ERLEC1: variants seen among roughly 807,000 people sequenced by gnomAD.
ERLEC1 encodes the protein ER lectin.
ERLEC1 carries 47 observed loss-of-function variants against 68.0 expected under a neutral mutation model. The ratio of observed to expected loss-of-function variants is 0.69; its 90% CI spans 0.55 to 0.88. ERLEC1 has a LOEUF of 0.88. ERLEC1 is among the 40% of genes least tolerant of loss of function. ERLEC1 has a pLI of 0.00. For missense variants in ERLEC1, 567 were observed against 583.8 expected (o/e 0.97, Z 0.30); for synonymous variants, 225 against 203.2 (o/e 1.11, Z -0.91).
intron 1 of ERLEC1, among the ~76,000 whole-genome samples, chr2:53,794,004 G>A (rs984584572): frequency 3.3e-5 from 5 of 152,200 alleles, no homozygotes; most frequent in African/African-American, 7.2e-5. Context: ...ACTCAAAGAC[G>A]AGAACAATAA....
chr2:53,814,860 G>A lies in ERLEC1; in HGVS notation c.1305G>A (p.Lys435=), dbSNP rs767697581. 1.2e-5 allele frequency: 19 copies of A among 1,603,752 alleles called. No individual in the cohort carries two copies. The highest frequency in any genetic ancestry group is 2.7e-5 in the African/African-American group (2 of 74,540). ...TACCTTAAAGTGCTCTCTGTTTTAG[G>A]TGCAAAGAATCAGATTCACCTCATG... ...DKPRQVTVKL[K]CKESDSPHAV... is the part of the protein sequence containing the mutation. The change falls in exon 13 of 14, where the codon AAG becomes AAA. Residue 435 remains lysine, a splice_region_variant and synonymous_variant. Transcript: ENST00000185150.
At chr2:53,801,880 A>C (rs755281511) in intron 8 of ERLEC1, 38 bp downstream of exon 8, 1 of 1,562,412 alleles carries the variant, frequency 6.4e-7, no homozygotes, top group South Asian at 1.2e-5. Flanking sequence ...TTGGTGCTTC[A>C]TTTTTAAAAT....
At position 53,787,177 on chromosome 2, in the gene ERLEC1, T is replaced by C; in HGVS notation, c.-34T>C. On this transcript the variant is annotated 5_prime_UTR_variant, in exon 1 of 14. Coordinates refer to ENST00000185150, the MANE Select transcript of ERLEC1 (RefSeq NM_015701.5). ...TCCTCTCCTCCTGGAGCAGAGGAGG[T>C]TGTGGCGGTGGCTGGAGAAAGCGGC... 7.4e-7 allele frequency: 1 copy of C among 1,346,654 alleles called. No homozygotes were observed. Among genetic ancestry groups the C allele is most frequent in the Non-Finnish European group, 9.8e-7 (1 of 1,018,332 alleles). 83.4% of individuals were successfully genotyped at this position (1,346,654 alleles called of 1,614,324 possible).
At position 53,799,105 on chromosome 2, in the gene ERLEC1, T is replaced by C. The variant is rs200511241; in HGVS notation, c.525+24T>C. 2.2e-4 allele frequency: 360 copies of C among 1,605,864 alleles called. 6 individuals are homozygous for C. The South Asian group carries it at 2.4e-3, about 10-fold the overall frequency. On this transcript the variant is annotated intron_variant, in intron 6 of 13. Coordinates refer to ENST00000185150, the MANE Select transcript of ERLEC1 (RefSeq NM_015701.5). The stretch of plus-strand genomic sequence containing the variant: ...AGGCAAGTGACAGATGTTGATTTTT[T>C]TCCTCTTAACACTTATTGTTAGTGA...
intron 10 of ERLEC1, among the ~76,000 whole-genome samples, chr2:53,811,085 G>A (rs1676569358): frequency 6.6e-6 from 1 of 152,088 alleles, no homozygotes; most frequent in South Asian, 2.1e-4. Flanking sequence ...TTTATTTATA[G>A]GGAAGGTATC....
chr2:53,812,158 G>T (rs905427228), intron 10 of ERLEC1, among the ~76,000 whole-genome samples: 2 of 152,002 alleles, frequency 1.3e-5, no homozygotes, highest in Admixed American at 1.3e-4. Context: ...AGGTGATTTC[G>T]CCCACCTCAG....
chr2:53,796,237 G>A (rs1675691195), intron 3 of ERLEC1, among the ~76,000 whole-genome samples: 1 of 140,268 alleles, frequency 7.1e-6, no homozygotes, highest in Admixed American at 7.3e-5. Flanking sequence ...TATAGTACCT[G>A]ATGGGTTGGT....
chr2:53,805,243 G>T (rs188812517), intron 8 of ERLEC1, among the ~76,000 whole-genome samples: 4 of 151,866 alleles, frequency 2.6e-5, no homozygotes, highest in Admixed American at 6.6e-5. Context: ...AGCTGGTCTC[G>T]AACTCCTGAC....
chr2:53,797,984 C>G (rs895148305), intron 5 of ERLEC1, among the ~76,000 whole-genome samples, 189 bp downstream of exon 5: 3 of 152,032 alleles, frequency 2.0e-5, no homozygotes, highest in African/African-American at 7.2e-5. Context: ...ATCACAAGGT[C>G]GGGAGATTGA....
chr2:53,814,489 T>G lies in ERLEC1; in HGVS notation c.1227-54T>G, dbSNP rs953177553. ...ATCTTCTCACCCTACCCATTACAAT[T>G]ATTCTATTAGTGAGATTTTAGTTTA... On this transcript the variant is annotated intron_variant, in intron 11 of 13. Transcript: ENST00000185150. 6 of 1,310,332 alleles carry G rather than the reference T, an allele frequency of 4.6e-6. No homozygotes were observed. The African/African-American group carries it at 5.8e-5, about 13-fold the overall frequency. The allele number at this position is 1,310,332 out of a possible 1,614,324, so 81.2% of individuals were successfully genotyped here. A position where few individuals can be genotyped will look rare whatever the true frequency, so the allele number is the denominator to read the frequency against.
At position 53,808,265 on chromosome 2, in the gene ERLEC1, A is replaced by G. The variant is rs780798460; in HGVS notation, c.880-34A>G. 2.5e-6 allele frequency: 4 copies of G among 1,575,490 alleles called. No homozygotes were observed. In the Admixed American group the frequency reaches 6.1e-5, roughly 24 times the overall value. ...ACTGAAAAAAGAAATTAAGTTTGGC[A>G]TGGAAACCCTTAAACGTGTGTGTTT... On this transcript the variant is annotated intron_variant, in intron 8 of 13. Coordinates refer to ENST00000185150, the MANE Select transcript of ERLEC1 (RefSeq NM_015701.5).
intron 1 of ERLEC1, among the ~76,000 whole-genome samples, chr2:53,792,559 TA>T (rs778077854): frequency 1.3e-5 from 2 of 152,216 alleles, no homozygotes; most frequent in Non-Finnish European, 2.9e-5. Flanking sequence ...TTTTGAGGAT[TA>T]ATGAGTTAAT....
intron 13 of ERLEC1, 58 bp downstream of exon 13, chr2:53,814,993 T>TA: frequency 4.1e-6 from 4 of 985,622 alleles, no homozygotes; most frequent in Non-Finnish European, 5.9e-6. Context: ...TAATTTTTTT[T>TA]TCTTTTTTTT....
chr2:53,814,995 CTTTTTTTTTTT>C (rs777632156), intron 13 of ERLEC1, 60 bp downstream of exon 13: 394 of 469,778 alleles, frequency 8.4e-4, no homozygotes, highest in Non-Finnish European at 9.9e-4. Flanking sequence ...ATTTTTTTTT[CTTTTTTTTTTT>C]TTTTTTTTTT....
chr2:53,791,619 T>A (rs1357016302), intron 1 of ERLEC1, among the ~76,000 whole-genome samples: 1 of 152,208 alleles, frequency 6.6e-6, no homozygotes, highest in Non-Finnish European at 1.5e-5. Context: ...ATAGAATTGC[T>A]ATTTGGCTTA....
chr2:53,817,780 T>A, intron 13 of ERLEC1, 118 bp from the exon 14 acceptor site: 1 of 635,790 alleles, frequency 1.6e-6, no homozygotes, highest in Non-Finnish European at 2.8e-6. Context: ...GTTGGATGTT[T>A]ATCTAAAACA....
chr2:53,797,004 G>A (rs1048261056), intron 3 of ERLEC1, among the ~76,000 whole-genome samples: 2 of 146,524 alleles, frequency 1.4e-5, no homozygotes, highest in African/African-American at 5.1e-5. Flanking sequence ...CGCTTCTTCT[G>A]CCTCAGCCTC....
At chr2:53,794,504 CATT>C (rs1482720907) in intron 2 of ERLEC1, 55 bp downstream of exon 2, 2 of 787,838 alleles carry the variant, frequency 2.5e-6, no homozygotes, top group African/African-American at 3.6e-5. Context: ...TTATGTAAAA[CATT>C]GTAACTACAT....
At chr2:53,813,737 T>A (rs1372723643) in intron 11 of ERLEC1, among the ~76,000 whole-genome samples, 2 of 152,158 alleles carry the variant, frequency 1.3e-5, no homozygotes, top group Admixed American at 1.3e-4. Flanking sequence ...GTTTTCAGAG[T>A]GTACTGACTT....
Sources: gnomAD v4.1 joint callset for allele counts (sites outside exome capture counted in the v4.1 genomes callset) on GRCh38, gnomAD v4.1.1 for gene constraint, MANE v1.5 for transcripts, NCBI Gene and HGNC (gene_info 2026-07-23, HGNC 2026-07-21) for gene names.